The following AXIN1 variants were observed in gnomAD, a reference collection of about 807,000 sequenced individuals.
AXIN1 encodes the protein axin 1, also known as axin-1.
In AXIN1, 30 loss-of-function variants were observed where a neutral mutation model predicts 76.4. The observed-to-expected ratio is 0.39, with a 90% CI of 0.29 to 0.53. The LOEUF (loss-of-function observed/expected upper bound fraction) is 0.53. AXIN1 is among the 20% of genes least tolerant of loss of function. The probability of loss-of-function intolerance (pLI) is 0.66; values close to 1 mark genes in which losing one functional copy is unlikely to be tolerated. For synonymous variants in AXIN1, 545 were observed against 501.4 expected (o/e 1.09, Z -1.16); for missense variants, 1,140 against 1,198.8 (o/e 0.95, Z 0.72).
intron 3 of AXIN1, 78 bp downstream of exon 3, chr16:314,465 C>T (rs2141591512): frequency 6.3e-7 from 1 of 1,598,542 alleles, no homozygotes; most frequent in South Asian, 1.1e-5. Context: ...ACATTGCTGT[C>T]CTCAAGGGAC....
chr16:297,249 T>C lies in AXIN1; in HGVS notation c.1785-23A>G, dbSNP rs751647478. 1.2e-5 allele frequency: 19 copies of C among 1,602,212 alleles called. No homozygotes were observed. In the South Asian group the frequency reaches 1.3e-4, roughly 11 times the overall value. On this transcript the variant is annotated intron_variant, in intron 6 of 10. Transcript: ENST00000262320. ...CCACTGCAAGGGCAAGAGCTGCGAG[T>C]CGCCCTGGCCTCCGGTGGCCGAGGC...
chr16:289,390 G>A (rs2141466590), intron 10 of AXIN1, 50 bp downstream of exon 10: 2 of 1,607,630 alleles, frequency 1.2e-6, no homozygotes, highest in Non-Finnish European at 8.5e-7. Context: ...CATACCGTTG[G>A]GCACCCACAT....
chr16:347,233 A>G, intron 1 of AXIN1, 127 bp from the exon 2 acceptor site: 1 of 855,440 alleles, frequency 1.2e-6, no homozygotes, highest in Non-Finnish European at 1.8e-6. Context: ...AACTCAGTTT[A>G]AATGTTCAAT....
At position 346,901 on chromosome 16, in the gene AXIN1, TAGCTGG is replaced by T; in HGVS notation, c.119_124del (p.Ala40_Tyr42delinsAsp). On this transcript the variant is annotated inframe_deletion, in exon 2 of 11. Transcript: ENST00000262320. ...AACACCTTTCCCGGAGCAGAAACTG[TAGCTGG>T]CGGGCCTCGGGTCTGTGGACACCAG... 6.2e-7 allele frequency: 1 copy of T among 1,613,726 alleles called. No homozygotes were observed. Among genetic ancestry groups the T allele is most frequent in the South Asian group, 1.1e-5 (1 of 91,088 alleles).
chr16:288,834 CAT>C (rs1024956627), intron 10 of AXIN1, among the ~76,000 whole-genome samples: 87 of 152,328 alleles, frequency 5.7e-4, no homozygotes, highest in African/African-American at 2.0e-3. Flanking sequence ...GGCAAAAGCA[CAT>C]GAGTCCAGAG....
intron 2 of AXIN1, among the ~76,000 whole-genome samples, chr16:329,270 G>A (rs1231206937): frequency 1.7e-5 from 1 of 59,952 alleles, no homozygotes; most frequent in African/African-American, 9.5e-5. Flanking sequence ...GAGCGAGACT[G>A]TCAAAAAAAA....
chr16:311,538 G>A (rs1175808332), intron 3 of AXIN1, among the ~76,000 whole-genome samples: 1 of 151,320 alleles, frequency 6.6e-6, no homozygotes. Context: ...GTGGGAGGCC[G>A]AGGCGGGCGG....
chr16:289,100 G>A (rs566191825), intron 10 of AXIN1, among the ~76,000 whole-genome samples: 7 of 150,732 alleles, frequency 4.6e-5, no homozygotes, highest in African/African-American at 9.8e-5. Context: ...TTTTTTGGGC[G>A]GGGGTAGAGA....
At chr16:290,274 G>C (rs1275264616) in intron 9 of AXIN1, 1 of 159,246 alleles carries the variant, frequency 6.3e-6, no homozygotes, top group Admixed American at 5.9e-5. Flanking sequence ...TTCAGCCCTT[G>C]GGCCTCCTCC....
chr16:325,605 C>T (rs1315555333), intron 2 of AXIN1, among the ~76,000 whole-genome samples: 2 of 152,250 alleles, frequency 1.3e-5, no homozygotes, highest in Admixed American at 6.5e-5. Context: ...GCTCAACCCA[C>T]TGCCCGCAGG....
In AXIN1 at chr16:346,724, A is replaced by T. The variant is rs2141706276; in HGVS notation, c.302T>A (p.Leu101Gln). Reference protein sequence around the residue: ...SLLDDQDGISLFRTFLKQEGC... With the variant: ...SLLDDQDGISQFRTFLKQEGC... ...CTCCTGCTTCAGGAAAGTCCTGAAC[A>T]GGCTTATCCCATCTTGGTCATCCAG... The change falls in exon 2 of 11, where the codon CTG becomes CAG. Residue 101 changes from leucine to glutamine, a missense_variant. Around this residue, in one of 3 missense-constraint regions of AXIN1, gnomAD observed 708 missense variants for 776.9 expected, o/e 0.91. Coordinates refer to ENST00000262320, the MANE Select transcript of AXIN1 (RefSeq NM_003502.4). The T allele has an allele frequency of 1.3e-6, 2 of 1,586,298 alleles. No individual in the cohort carries two copies. Among genetic ancestry groups the T allele is most frequent in the South Asian group, 2.3e-5 (2 of 86,914 alleles).
At chr16:317,965 CAGA>C (rs1269880042) in intron 2 of AXIN1, among the ~76,000 whole-genome samples, 3 of 152,248 alleles carry the variant, frequency 2.0e-5, no homozygotes, top group African/African-American at 7.2e-5. Context: ...CACTGCCGCA[CAGA>C]AGTTTAAGAA....
intron 3 of AXIN1, among the ~76,000 whole-genome samples, chr16:310,660 G>T (rs3848360): frequency 0.44 from 67,039 of 152,132 alleles, 15,101 homozygotes; most frequent in South Asian, 0.65. Flanking sequence ...GCCTCGCAAA[G>T]TGCTGGGAGT....
In AXIN1 at chr16:293,006, G is replaced by A; in HGVS notation, c.2186+482C>T. On this transcript the variant is annotated intron_variant, in intron 8 of 10. Transcript: ENST00000262320. This position sits in a 1 kb window ranked among gnomAD's most constrained non-coding sequence, Gnocchi z 4.6. ...GGAGGGCTGTGGGCTGGACGTCCAG[G>A]ACGACACTTCTACATCTGCACGGCT... The A allele has an allele frequency of 5.7e-6, 1 of 174,796 alleles. No homozygotes were observed. The highest frequency in any genetic ancestry group is 1.5e-4 in the East Asian group (1 of 6,756). 10.8% of individuals were successfully genotyped at this position (174,796 alleles called of 1,614,324 possible).
chr16:340,711 G>A (rs1020078156), intron 2 of AXIN1, among the ~76,000 whole-genome samples: 1 of 152,248 alleles, frequency 6.6e-6, no homozygotes, highest in Admixed American at 6.5e-5. Context: ...CAGAGCGGGG[G>A]AGCCAGGGAG....
chr16:342,015 T>G (rs1261269538), intron 2 of AXIN1, among the ~76,000 whole-genome samples: 2 of 152,166 alleles, frequency 1.3e-5, no homozygotes, highest in Non-Finnish European at 2.9e-5. Flanking sequence ...ACTCTACCAA[T>G]CAGCAGGATG....
At chr16:291,839 C>T (rs74003743) in intron 8 of AXIN1, 3,091 of 189,462 alleles carry the variant, frequency 0.016, 111 homozygotes, top group African/African-American at 0.068. Context: ...TCTACTCTGA[C>T]ATCCTGACAG....
In AXIN1 at chr16:333,413, C is replaced by CT. The variant is rs772791339; in HGVS notation, c.878+12734dup. ...GCTGAGGCAGGAGGATCGCTCAAGCCTTTTTTTCCAGACTCGCCTCAGAAA... is the reference window on the plus strand; with the variant it reads ...GCTGAGGCAGGAGGATCGCTCAAGCCTTTTTTTTCCAGACTCGCCTCAGAAA... On this transcript the variant is annotated intron_variant, in intron 2 of 10. Transcript: ENST00000262320. Among the ~76,000 whole-genome samples, 27 of 149,688 alleles carry CT rather than the reference C, an allele frequency of 1.8e-4. No individual in the cohort carries two copies. In the East Asian group the frequency reaches 2.9e-3, roughly 16 times the overall value.
intron 2 of AXIN1, among the ~76,000 whole-genome samples, chr16:332,185 A>G (rs1184297915): frequency 6.6e-6 from 1 of 152,156 alleles, no homozygotes; most frequent in Non-Finnish European, 1.5e-5. Context: ...GACCAGCAAC[A>G]ACTGAGGGCC....
Sources: gnomAD v4.1 joint callset for allele counts (sites outside exome capture counted in the v4.1 genomes callset) on GRCh38, gnomAD v4.1.1 for gene constraint, gnomAD v4.1.1 regional missense constraint, Gnocchi (gnomAD v3.1) non-coding constraint, MANE v1.5 for transcripts, NCBI Gene and HGNC (gene_info 2026-07-23, HGNC 2026-07-21) for gene names.